The following ABCC4 variants were observed in gnomAD, a reference collection of about 807,000 sequenced individuals.
ABCC4 encodes the protein ATP binding cassette subfamily C member 4 (PEL blood group), also known as ATP-binding cassette sub-family C member 4.
ABCC4 carries 102 observed loss-of-function variants against 168.5 expected under a neutral mutation model. The ratio of observed to expected loss-of-function variants is 0.61; its 90% confidence interval spans 0.52 to 0.71. The LOEUF (loss-of-function observed/expected upper bound fraction) is 0.71, where lower values mean the gene tolerates loss of function less well. ABCC4 is among the 30% of genes least tolerant of loss of function. ABCC4 has a pLI of 0.00. For missense variants in ABCC4, 1,402 were observed against 1,605.8 expected (o/e 0.87, Z 2.17); for synonymous variants, 617 against 590.7 (o/e 1.04, Z -0.65).
At chr13:95,116,741 T>A (rs191781715) in intron 19 of ABCC4, among the ~76,000 whole-genome samples, 1 of 152,286 alleles carries the variant, frequency 6.6e-6, no homozygotes, top group East Asian at 1.9e-4. Context: ...CACAAACAGA[T>A]CAAACCTGGT....
rs763362655 is a variant in ABCC4, at chr13:95,083,227, G to C, written c.2599C>G (p.Pro867Ala). The C allele has an allele frequency of 1.2e-6, 2 of 1,613,922 alleles. No homozygotes were observed. Among genetic ancestry groups the C allele is most frequent in the East Asian group, 4.5e-5 (2 of 44,852 alleles). ...AVAVIPWIAI[P>A]LVPLGIIFIF... The stretch of plus-strand genomic sequence containing the variant: ...AAAATGATTCCAAGGGGAACCAAGG[G>C]TATTGCGATCCAAGGAATCACGGCC... Residue 867 changes from proline (P) to alanine (A), a missense_variant, in exon 21 of 31, where the codon CCC (proline) becomes GCC (alanine). Physicochemically the swap from Pro to Ala is conservative, Grantham distance 27. This residue lies in a region of ABCC4 where 1,007 missense variants were observed against 1,127.3 expected (regional missense o/e 0.89). Transcript: ENST00000645237.
At chr13:95,192,813 C>T (rs1043435626) in intron 9 of ABCC4, among the ~76,000 whole-genome samples, 2 of 152,042 alleles carry the variant, frequency 1.3e-5, no homozygotes, top group African/African-American at 2.4e-5. Flanking sequence ...TAGCTACTCA[C>T]GAGGTTGAGG....
intron 30 of ABCC4, among the ~76,000 whole-genome samples, chr13:95,029,988 T>C (rs11841383): frequency 0.016 from 2,287 of 146,414 alleles, 71 homozygotes; most frequent in African/African-American, 0.051. Flanking sequence ...CTTGTCTATC[T>C]ATCCATCCAT....
chr13:95,219,187 C>CA (rs1377717105), intron 4 of ABCC4, among the ~76,000 whole-genome samples: 6 of 152,132 alleles, frequency 3.9e-5, no homozygotes, highest in Non-Finnish European at 7.3e-5. Flanking sequence ...AAAGGGGGGC[C>CA]ACATCCCCCC....
intron 4 of ABCC4, among the ~76,000 whole-genome samples, chr13:95,224,389 T>A (rs574657782): frequency 5.5e-4 from 84 of 151,818 alleles, no homozygotes; most frequent in East Asian, 4.7e-3. Flanking sequence ...AAAAAAAAAA[T>A]TTGTTCAGAT....
At chr13:95,126,144 A>G (rs2035752593) in intron 19 of ABCC4, among the ~76,000 whole-genome samples, 1 of 152,204 alleles carries the variant, frequency 6.6e-6, no homozygotes, top group African/African-American at 2.4e-5. Flanking sequence ...TCTTCTGGGA[A>G]TGTACCACTT....
chr13:95,206,795 C>A lies in ABCC4; in HGVS notation c.912-14G>T, dbSNP rs1189380266. 6.2e-7 allele frequency: 1 copy of A among 1,612,478 alleles called. No homozygotes were observed. Among genetic ancestry groups the A allele is most frequent in the Admixed American group, 1.7e-5 (1 of 59,974 alleles). The stretch of plus-strand genomic sequence containing the variant: ...GAAATCTCCTTCCTGAAAGAGAGTA[C>A]AGGTTTTTAAAAAAGCAGTGATGTC... On this transcript the variant is annotated splice_polypyrimidine_tract_variant and intron_variant, in intron 7 of 30. Transcript: ENST00000645237.
intron 1 of ABCC4, among the ~76,000 whole-genome samples, chr13:95,279,358 A>G (rs1158222382): frequency 6.6e-6 from 1 of 152,228 alleles, no homozygotes; most frequent in Non-Finnish European, 1.5e-5. Flanking sequence ...TGCTTTGAGC[A>G]TCAAATTTAA....
intron 19 of ABCC4, among the ~76,000 whole-genome samples, chr13:95,144,984 A>G (rs117672061): frequency 0.016 from 2,361 of 151,986 alleles, 24 homozygotes; most frequent in Non-Finnish European, 0.026. Flanking sequence ...GCAAAAAACA[A>G]ACAACTCCAG....
At chr13:95,038,021 A>G (rs2032195447) in intron 29 of ABCC4, among the ~76,000 whole-genome samples, 1 of 152,062 alleles carries the variant, frequency 6.6e-6, no homozygotes, top group Admixed American at 6.6e-5. Context: ...AAGCCTGGCT[A>G]ATTTTTGTTT....
intron 25 of ABCC4, among the ~76,000 whole-genome samples, chr13:95,068,141 A>T (rs558615547): frequency 6.6e-6 from 1 of 152,266 alleles, no homozygotes; most frequent in East Asian, 1.9e-4. Context: ...CTACATCTCC[A>T]CTGGAAACAA....
chr13:95,168,719 G>C (rs2037368223), intron 14 of ABCC4, among the ~76,000 whole-genome samples: 1 of 152,136 alleles, frequency 6.6e-6, no homozygotes, highest in East Asian at 1.9e-4. Context: ...TAAGGACCAG[G>C]GTACTGAGGC....
intron 1 of ABCC4, among the ~76,000 whole-genome samples, chr13:95,252,938 T>G (rs916330553): frequency 6.6e-6 from 1 of 152,260 alleles, no homozygotes; most frequent in African/African-American, 2.4e-5. Context: ...ACTAGAATTC[T>G]GGTGCCAGGA....
chr13:95,058,639 A>G (rs1399464903), intron 26 of ABCC4, among the ~76,000 whole-genome samples: 1 of 150,976 alleles, frequency 6.6e-6, no homozygotes, highest in Non-Finnish European at 1.5e-5. Context: ...AAAATGTCTG[A>G]TGAGATATCA....
chr13:95,075,823 C>A, intron 21 of ABCC4: 1 of 328,286 alleles, frequency 3.0e-6, no homozygotes, highest in Non-Finnish European at 5.6e-6. Context: ...TTCTTTCCTT[C>A]CTAACTCAGC....
At chr13:95,141,799 C>T (rs142217900) in intron 19 of ABCC4, among the ~76,000 whole-genome samples, 2 of 152,322 alleles carry the variant, frequency 1.3e-5, no homozygotes, top group Non-Finnish European at 2.9e-5. Context: ...CGGGGTCTTA[C>T]GATGCTGACC....
intron 1 of ABCC4, among the ~76,000 whole-genome samples, chr13:95,251,001 T>C (rs1037291436): frequency 1.3e-5 from 2 of 152,120 alleles, no homozygotes; most frequent in Non-Finnish European, 2.9e-5. Flanking sequence ...TTGCCCAGGC[T>C]GGTATCGAAC....
intron 26 of ABCC4, among the ~76,000 whole-genome samples, chr13:95,055,293 C>G (rs2033011954): frequency 1.3e-5 from 2 of 152,140 alleles, no homozygotes; most frequent in African/African-American, 4.8e-5. Context: ...CCTCTGCAGG[C>G]AGAACATTTC....
intron 20 of ABCC4, among the ~76,000 whole-genome samples, chr13:95,112,032 A>C (rs191986459): frequency 1.3e-5 from 2 of 152,306 alleles, no homozygotes; most frequent in East Asian, 3.9e-4. Flanking sequence ...CAGAAAACGT[A>C]ATCAAACATG....
Sources: allele counts gnomAD v4.1 joint callset (sites outside exome capture counted in the v4.1 genomes callset), GRCh38; gene constraint gnomAD v4.1.1; regional missense constraint gnomAD v4.1.1; transcripts MANE v1.5; gene names NCBI Gene and HGNC (gene_info 2026-07-23, HGNC 2026-07-21).